The following MYH11 variants were observed in gnomAD, a reference collection of about 807,000 sequenced individuals.
The protein encoded by MYH11 is myosin heavy chain 11.
Under a neutral mutation model 246.6 loss-of-function variants are expected in MYH11, and 80 were observed. The observed-to-expected ratio is 0.32, with a 90% CI of 0.27 to 0.39. MYH11 has a LOEUF of 0.39. Among genes scored for constraint, MYH11 ranks in the 10% least tolerant of loss-of-function variants. MYH11 has a pLI of 1.00. For synonymous variants in MYH11, 1,071 were observed against 1,015.5 expected (o/e 1.05, Z -1.04); for missense variants, 2,158 against 2,546.8 (o/e 0.85, Z 3.29).
rs562352232 is a variant in MYH11, at chr16:15,738,215, C to T, written c.3121+350G>A. Among the ~76,000 whole-genome samples, 3 of 152,140 alleles carry T rather than the reference C, an allele frequency of 2.0e-5. No homozygotes were observed. The East Asian group carries it at 5.8e-4, about 29-fold the overall frequency. On this transcript the variant is annotated intron_variant, in intron 24 of 40. Coordinates refer to ENST00000300036, the MANE Select transcript of MYH11 (RefSeq NM_002474.3). ...TCTGATTTTCCTGCTTTTAAAAATA[C>T]CCATTCAAGCCCAGGAATAGTGGCT...
At chr16:15,778,939 G>A (rs1019689060) in intron 6 of MYH11, 96 bp from the exon 7 acceptor site, 2 of 1,179,638 alleles carry the variant, frequency 1.7e-6, no homozygotes, top group African/African-American at 1.5e-5. Flanking sequence ...ACAGAGGATG[G>A]GAGGTGGGGC....
chr16:15,748,309 G>T, intron 16 of MYH11, 141 bp from the exon 17 acceptor site: 1 of 1,417,286 alleles, frequency 7.1e-7, no homozygotes, highest in Non-Finnish European at 9.6e-7. Flanking sequence ...TTAGCTGAGG[G>T]CCGAGGGGCA....
At chr16:15,848,264 G>C (rs904638971) in intron 1 of MYH11, among the ~76,000 whole-genome samples, 4 of 127,028 alleles carry the variant, frequency 3.1e-5, no homozygotes, top group South Asian at 4.8e-4. Flanking sequence ...ACAGAGTCTC[G>C]CTCTGTTACC....
intron 40 of MYH11, chr16:15,708,988 G>T: frequency 2.2e-6 from 2 of 891,534 alleles, no homozygotes; most frequent in Non-Finnish European, 3.6e-6. Context: ...TGTCACCCAG[G>T]CTGGAGTGCA....
intron 37 of MYH11, chr16:15,717,673 G>A (rs2040236026): frequency 2.3e-6 from 1 of 430,678 alleles, no homozygotes; most frequent in Middle Eastern, 6.8e-4. Context: ...GCACGTGCCT[G>A]TAGTCCCAGC....
chr16:15,843,281 G>A (rs1456062066), intron 1 of MYH11, among the ~76,000 whole-genome samples: 1 of 152,044 alleles, frequency 6.6e-6, no homozygotes, highest in African/African-American at 2.4e-5. Flanking sequence ...TGAGGCAGGA[G>A]AATTACTTGA....
At chr16:15,842,080 T>C (rs1274800678) in intron 1 of MYH11, among the ~76,000 whole-genome samples, 2 of 152,136 alleles carry the variant, frequency 1.3e-5, no homozygotes, top group Non-Finnish European at 2.9e-5. Context: ...AAATAATAAT[T>C]AAAAAACTAA....
Position 15,717,250 on chromosome 16 carries a change from C to T in MYH11, c.5394G>A (p.Arg1798=), listed in dbSNP as rs2040206876. 1 of 1,614,182 alleles carries T rather than the reference C, an allele frequency of 6.2e-7. No homozygotes were observed. The highest frequency in any genetic ancestry group is 1.3e-5 in the African/African-American group (1 of 75,060). Residue 1798 remains arginine, a synonymous_variant, in exon 38 of 41, where the codon CGG becomes CGA. Transcript: ENST00000300036. ...QQLERQNKEL[R]SKLHEMEGAV... ...CCCCCTCCATCTCGTGGAGCTTGCT[C>T]CGGAGCTCCTTGTTCTGCCGCTCGA...
intron 22 of MYH11, chr16:15,741,151 T>G (rs560131152): frequency 1.3e-5 from 7 of 522,968 alleles, no homozygotes; most frequent in Non-Finnish European, 2.4e-5. Flanking sequence ...ATACTTTTTA[T>G]TTTTAGCTGC....
At chr16:15,824,234 G>A (rs1276639362) in intron 2 of MYH11, among the ~76,000 whole-genome samples, 4 of 151,988 alleles carry the variant, frequency 2.6e-5, no homozygotes, top group Admixed American at 6.6e-5. Flanking sequence ...AACCAGTGAC[G>A]GGAGCAGTTA....
chr16:15,762,337 G>A lies in MYH11; in HGVS notation c.1129+1459C>T, dbSNP rs186588362. On this transcript the variant is annotated intron_variant, in intron 10 of 40. Transcript: ENST00000300036. The stretch of plus-strand genomic sequence containing the variant: ...AAAACAAACCCCCTTCTTGCCTGGA[G>A]ACTAGACTGCCTTTGTAGGAATAAC... 6.9e-4 allele frequency among the ~76,000 whole-genome samples: 105 copies of A among 152,292 alleles called. 3 individuals carry two copies. The highest frequency in any genetic ancestry group is 1.5e-4 in the Non-Finnish European group (10 of 68,034).
intron 11 of MYH11, among the ~76,000 whole-genome samples, chr16:15,759,934 TA>T (rs1234830829): frequency 6.6e-6 from 1 of 152,078 alleles, no homozygotes; most frequent in Non-Finnish European, 1.5e-5. Context: ...CCTTCTCTAC[TA>T]AAAATACAAA....
At chr16:15,796,774 T>C (rs2151319992) in intron 4 of MYH11, among the ~76,000 whole-genome samples, 1 of 152,222 alleles carries the variant, frequency 6.6e-6, no homozygotes, top group African/African-American at 2.4e-5. Context: ...GATTTGAAGA[T>C]ACCATGCTGC....
At chr16:15,805,997 G>A (rs8044406) in intron 3 of MYH11, among the ~76,000 whole-genome samples, 15,169 of 151,888 alleles carry the variant, frequency 0.1, 1,437 homozygotes, top group African/African-American at 0.25. Flanking sequence ...GAAGCTAGCC[G>A]GCTGGGCACG....
chr16:15,806,331 A>C (rs945695902), intron 3 of MYH11, among the ~76,000 whole-genome samples: 1 of 149,062 alleles, frequency 6.7e-6, no homozygotes, highest in Non-Finnish European at 1.5e-5. Context: ...CAGCCACAAA[A>C]GGTCACATAT....
intron 4 of MYH11, among the ~76,000 whole-genome samples, chr16:15,794,504 C>T (rs1049207807): frequency 3.3e-5 from 5 of 151,274 alleles, no homozygotes; most frequent in African/African-American, 1.2e-4. Context: ...AGGCCTCCTT[C>T]TCCAGCACTG....
intron 3 of MYH11, among the ~76,000 whole-genome samples, chr16:15,822,248 G>A (rs1482103104): frequency 1.3e-5 from 2 of 152,232 alleles, no homozygotes; most frequent in African/African-American, 4.8e-5. Flanking sequence ...ACCTGTTGGT[G>A]CCCTTTCAGA....
At position 15,721,496 on chromosome 16, in the gene MYH11, G is replaced by A; in HGVS notation, c.4504C>T (p.Leu1502Phe). Residue 1502 changes from leucine to phenylalanine, a missense_variant, in exon 32 of 41, where the codon CTC (leucine) becomes TTC (phenylalanine). By Grantham distance (22) the Leu-to-Phe change is conservative. This residue lies in a region of MYH11 where 1,013 missense variants were observed against 993.5 expected (regional missense o/e 1.02). Coordinates refer to ENST00000300036, the MANE Select transcript of MYH11 (RefSeq NM_002474.3). ...TTGAGCATTTTGTTGGTCCGCTCGAGTTCCTCTTTGGCTTCCAAGGCCTCT... is the reference window on the plus strand; with the variant it reads ...TTGAGCATTTTGTTGGTCCGCTCGAATTCCTCTTTGGCTTCCAAGGCCTCT... Reference protein sequence around the residue: ...LEEALEAKEELERTNKMLKAE... With the variant: ...LEEALEAKEEFERTNKMLKAE... The A allele has an allele frequency of 6.2e-7, 1 of 1,614,218 alleles. No homozygotes were observed. Among genetic ancestry groups the A allele is most frequent in the Non-Finnish European group, 8.5e-7 (1 of 1,180,042 alleles).
At chr16:15,743,251 C>T (rs1392756438) in intron 20 of MYH11, among the ~76,000 whole-genome samples, 1 of 152,230 alleles carries the variant, frequency 6.6e-6, no homozygotes, top group Non-Finnish European at 1.5e-5. Context: ...TCACTGAAAC[C>T]TCTGCCTCCT....
Sources: allele counts gnomAD v4.1 joint callset (sites outside exome capture counted in the v4.1 genomes callset), GRCh38; gene constraint gnomAD v4.1.1; regional missense constraint gnomAD v4.1.1; transcripts MANE v1.5; gene names NCBI Gene and HGNC (gene_info 2026-07-23, HGNC 2026-07-21).